The following SCAF4 variants were observed in gnomAD, a reference collection of about 807,000 sequenced individuals.
SCAF4 encodes the protein SR-related CTD associated factor 4.
A neutral mutation model predicts 129.8 loss-of-function variants in SCAF4; 25 were observed. That is an observed-to-expected ratio of 0.19 (90% CI 0.14 to 0.27). SCAF4 has a LOEUF of 0.27. Among genes scored for constraint, SCAF4 ranks in the 10% least tolerant of loss-of-function variants. The probability of loss-of-function intolerance (pLI) is 1.00; values close to 1 mark genes in which losing one functional copy is unlikely to be tolerated. For missense variants in SCAF4, 1,246 were observed against 1,457.1 expected, an observed-to-expected ratio of 0.86 and a Z score of 2.36; for synonymous variants, 551 against 497.7, an observed-to-expected ratio of 1.11 and a Z score of -1.43.
At chr21:31,702,527 T>C in intron 4 of SCAF4, 148 bp from the exon 5 acceptor site, 1 of 721,998 alleles carries the variant, frequency 1.4e-6, no homozygotes, top group Non-Finnish European at 2.2e-6. Context: ...AAATCAGAAT[T>C]ACAACCTGGT....
intron 1 of SCAF4, among the ~76,000 whole-genome samples, chr21:31,709,350 C>CAAAAAAAAAAAAAAA (rs376581889): frequency 8.5e-6 from 1 of 117,802 alleles, no homozygotes; most frequent in Admixed American, 8.6e-5. Context: ...CTGAAACTGT[C>CAAAAAAAAAAAAAAA]AAAAAAAAAA....
intron 1 of SCAF4, among the ~76,000 whole-genome samples, chr21:31,713,745 C>T (rs112244600): frequency 0.28 from 5,557 of 19,806 alleles, 145 homozygotes; most frequent in Non-Finnish European, 0.33. Context: ...CAAACCGGAG[C>T]GGGGGTGGGG....
intron 1 of SCAF4, among the ~76,000 whole-genome samples, chr21:31,711,156 T>G (rs2050790432): frequency 1.3e-5 from 2 of 152,200 alleles, no homozygotes; most frequent in Admixed American, 1.3e-4. Context: ...ACATTTTTCT[T>G]AAAATTTCAA....
Position 31,691,869 on chromosome 21 carries a change from G to A in SCAF4, c.1676C>T (p.Ala559Val), listed in dbSNP as rs1363094086. The change falls in exon 14 of 20, where the codon GCC becomes GTC. Residue 559 changes from alanine (A) to valine (V), a missense_variant. Physicochemically the swap from Ala to Val is moderately conservative, Grantham distance 64. Coordinates refer to ENST00000286835, the MANE Select transcript of SCAF4 (RefSeq NM_020706.2). ...VMVHRQDAYR[A>V]LQKLSRGNYK... ...GTTTCCTCGGCTCAGTTTCTGCAGG[G>A]CACGATAGGCATCTTGCCTATGAAC... 1.2e-6 allele frequency: 2 copies of A among 1,609,756 alleles called. No individual in the cohort carries two copies. The highest frequency in any genetic ancestry group is 1.1e-5 in the South Asian group (1 of 90,456).
rs1252916479 is a variant in SCAF4 at position 31,671,610 on chromosome 21, T to C, written c.3233A>G (p.Lys1078Arg). 1.2e-6 allele frequency: 2 copies of C among 1,614,190 alleles called. No homozygotes were observed. Among genetic ancestry groups the C allele is most frequent in the Non-Finnish European group, 1.7e-6 (2 of 1,180,026 alleles). The change falls in exon 20 of 20, where the codon AAG (lysine) becomes AGG (arginine). Residue 1078 changes from lysine to arginine, a missense_variant. By Grantham distance (26) the Lys-to-Arg change is conservative (BLOSUM62 2). This residue lies in a region of SCAF4 where 339 missense variants were observed against 325.0 expected (regional missense o/e 1.04). Transcript: ENST00000286835. ...SRREKEEARG[K>R]EKPEVTDRAG... ...CCTGTCTGTCACCTCAGGCTTTTCC[T>C]TTCCTCGGGCTTCTTCCTTCTCTCT...
intron 19 of SCAF4, among the ~76,000 whole-genome samples, chr21:31,674,990 C>T (rs961043842): frequency 1.3e-5 from 2 of 152,030 alleles, no homozygotes; most frequent in African/African-American, 4.8e-5. Flanking sequence ...TGGCAGTCAT[C>T]GGGGGTGTCT....
At chr21:31,702,771 A>G (rs1190979163) in intron 4 of SCAF4, among the ~76,000 whole-genome samples, 1 of 152,178 alleles carries the variant, frequency 6.6e-6, no homozygotes, top group African/African-American at 2.4e-5. Flanking sequence ...CCTGTAGTCA[A>G]AACTTAAATT....
chr21:31,688,469 G>T lies in SCAF4; in HGVS notation c.1886-5C>A. ...TCTTAGGAATTCCTTTCCAATCTGT[G>T]AGCGTGAAAGAAATTTAACAAGAGT... On this transcript the variant is annotated splice_polypyrimidine_tract_variant and splice_region_variant and intron_variant, in intron 15 of 19. Transcript: ENST00000286835. 6.2e-7 allele frequency: 1 copy of T among 1,609,268 alleles called. No individual in the cohort carries two copies. The highest frequency in any genetic ancestry group is 1.3e-5 in the African/African-American group (1 of 74,876).
chr21:31,684,882 T>G (rs1441064682), intron 19 of SCAF4, 167 bp downstream of exon 19: 2 of 589,354 alleles, frequency 3.4e-6, no homozygotes, highest in African/African-American at 1.9e-5. Flanking sequence ...AAGAGGAAGA[T>G]CTTCCTCAAA....
Position 31,706,257 on chromosome 21 carries a change from C to G in SCAF4, c.114+17G>C. 6.8e-7 allele frequency: 1 copy of G among 1,479,426 alleles called. No individual in the cohort carries two copies. The highest frequency in any genetic ancestry group is 9.3e-7 in the Non-Finnish European group (1 of 1,078,060). The allele number at this position is 1,479,426 out of a possible 1,614,324, so 91.6% of individuals were successfully genotyped here. A position where few individuals can be genotyped will look rare whatever the true frequency, so the allele number is the denominator to read the frequency against. On this transcript the variant is annotated intron_variant, in intron 2 of 19. Transcript: ENST00000286835. ...AATTTCAAAAAGATTTCTCAAATTG[C>G]TTTATTTTATCATTACCTTAATAGC... is the stretch of plus-strand genomic sequence containing the variant.
At position 31,694,891 on chromosome 21, in the gene SCAF4, T is replaced by C. The variant is rs777854130; in HGVS notation, c.1158A>G (p.Pro386=). ...FPPMAQPVIP[P]TPPVQQPFQA... ...GGAAAGGCTGCTGCACTGGTGGAGTTGGAGGAATCACAGGCTGAGCCATGG... is the reference window on the plus strand; with the variant it reads ...GGAAAGGCTGCTGCACTGGTGGAGTCGGAGGAATCACAGGCTGAGCCATGG... The change falls in exon 10 of 20, where the codon CCA becomes CCG. Residue 386 remains proline (P), a synonymous_variant. Coordinates refer to ENST00000286835, the MANE Select transcript of SCAF4 (RefSeq NM_020706.2). The C allele has an allele frequency of 6.2e-6, 10 of 1,614,136 alleles. No homozygotes were observed. The highest frequency in any genetic ancestry group is 1.1e-5 in the South Asian group (1 of 91,086).
intron 4 of SCAF4, among the ~76,000 whole-genome samples, chr21:31,702,938 T>C (rs1016778031): frequency 2.6e-5 from 4 of 152,210 alleles, no homozygotes; most frequent in African/African-American, 9.6e-5. Context: ...CTGAAATTTA[T>C]ATGCTGTTTA....
At chr21:31,723,610 A>G (rs56343650) in intron 1 of SCAF4, among the ~76,000 whole-genome samples, 25,601 of 149,102 alleles carry the variant, frequency 0.17, 2,720 homozygotes, top group East Asian at 0.5. Context: ...GATTTATATG[A>G]TGTGTGTGTG....
intron 16 of SCAF4, among the ~76,000 whole-genome samples, chr21:31,686,374 A>G (rs2050125680): frequency 4.6e-5 from 7 of 152,122 alleles, no homozygotes; most frequent in Admixed American, 4.6e-4. Flanking sequence ...CACAGCTTTA[A>G]GACAGGCTAC....
intron 1 of SCAF4, among the ~76,000 whole-genome samples, chr21:31,726,344 G>A (rs71321399): frequency 1.2e-4 from 19 of 152,040 alleles, no homozygotes; most frequent in African/African-American, 3.9e-4. Flanking sequence ...CACGCCTGGC[G>A]GTGGCCCTTA....
At chr21:31,679,542 A>G (rs1383819190) in intron 19 of SCAF4, among the ~76,000 whole-genome samples, 1 of 152,190 alleles carries the variant, frequency 6.6e-6, no homozygotes. Flanking sequence ...ATAAGGAGCC[A>G]ATTTTCAAAG....
At chr21:31,693,005 C>T (rs566549797) in intron 12 of SCAF4, among the ~76,000 whole-genome samples, 3 of 152,298 alleles carry the variant, frequency 2.0e-5, no homozygotes, top group South Asian at 4.1e-4. Flanking sequence ...GCACACCTTA[C>T]TAAATGTATT....
intron 1 of SCAF4, among the ~76,000 whole-genome samples, chr21:31,714,667 G>GT (rs2050882728): frequency 6.6e-6 from 1 of 152,172 alleles, no homozygotes; most frequent in South Asian, 2.1e-4. Flanking sequence ...ATTAGTCAAA[G>GT]TAACATGGGT....
chr21:31,698,574 T>C (rs1171132047), intron 7 of SCAF4, among the ~76,000 whole-genome samples: 1 of 152,208 alleles, frequency 6.6e-6, no homozygotes, highest in Non-Finnish European at 1.5e-5. Context: ...TAGGTGTTGC[T>C]GTGAAGGTGT....
Sources: gnomAD v4.1 joint callset for allele counts (sites outside exome capture counted in the v4.1 genomes callset) on GRCh38, gnomAD v4.1.1 for gene constraint, gnomAD v4.1.1 regional missense constraint, MANE v1.5 for transcripts, NCBI Gene and HGNC (gene_info 2026-07-23, HGNC 2026-07-21) for gene names.